The following DENND1A variants were observed in gnomAD, a reference collection of about 807,000 sequenced individuals.
DENND1A encodes the protein DENN domain containing 1A.
Under a neutral mutation model 113.7 loss-of-function variants are expected in DENND1A, and 51 were observed. That is an observed-to-expected ratio of 0.45 (90% CI 0.36 to 0.57). DENND1A has a LOEUF of 0.57. Ranked by LOEUF, DENND1A falls within the 20% of genes least tolerant of loss-of-function variation. DENND1A has a pLI of 0.00. For synonymous variants in DENND1A, 565 were observed against 570.8 expected (o/e 0.99, Z 0.14); for missense variants, 1,258 against 1,395.9 (o/e 0.90, Z 1.57).
intron 13 of DENND1A, among the ~76,000 whole-genome samples, chr9:123,502,495 C>T (rs1039987644): frequency 1.3e-5 from 2 of 152,074 alleles, no homozygotes; most frequent in Admixed American, 1.3e-4. Flanking sequence ...GGAGAAATAT[C>T]GAGTCAGGTC....
chr9:123,517,962 A>C (rs1036460080), intron 13 of DENND1A, among the ~76,000 whole-genome samples: 2 of 152,190 alleles, frequency 1.3e-5, no homozygotes, highest in Admixed American at 6.5e-5. Context: ...TTCTGCATTA[A>C]AAATGTTACT....
chr9:123,768,996 C>G (rs575775714), intron 4 of DENND1A, among the ~76,000 whole-genome samples: 2 of 151,856 alleles, frequency 1.3e-5, no homozygotes, highest in Non-Finnish European at 2.9e-5. Context: ...ATAGAAAATT[C>G]TCTTTTTCCC....
intron 13 of DENND1A, among the ~76,000 whole-genome samples, chr9:123,494,443 A>C (rs758345489): frequency 6.6e-6 from 1 of 152,168 alleles, no homozygotes; most frequent in Non-Finnish European, 1.5e-5. Context: ...AGGCCAAATG[A>C]CTTTTAAGGG....
chr9:123,782,494 T>G (rs1197896436), intron 3 of DENND1A, among the ~76,000 whole-genome samples: 1 of 152,232 alleles, frequency 6.6e-6, no homozygotes, highest in African/African-American at 2.4e-5. Flanking sequence ...TATTAAATAC[T>G]TGGCCTCCTA....
chr9:123,707,204 G>T (rs2066276803), intron 5 of DENND1A, among the ~76,000 whole-genome samples: 1 of 152,182 alleles, frequency 6.6e-6, no homozygotes, highest in Admixed American at 6.5e-5. Context: ...AGACCAGCCT[G>T]ATCAACATCG....
intron 1 of DENND1A, 53 bp downstream of exon 1, chr9:123,929,836 C>T (rs1220041091): frequency 1.8e-5 from 4 of 225,778 alleles, no homozygotes; most frequent in African/African-American, 2.4e-5. Flanking sequence ...AGCCCTGGCC[C>T]GGCCTCGCCG....
chr9:123,863,234 G>A (rs1845312560), intron 2 of DENND1A, among the ~76,000 whole-genome samples: 1 of 152,118 alleles, frequency 6.6e-6, no homozygotes, highest in Non-Finnish European at 1.5e-5. Context: ...GCACTATGAG[G>A]ACCAGAACAC....
intron 19 of DENND1A, among the ~76,000 whole-genome samples, chr9:123,426,827 A>G (rs1466218672): frequency 6.6e-6 from 1 of 152,202 alleles, no homozygotes; most frequent in East Asian, 1.9e-4. Flanking sequence ...GATACTTAAC[A>G]TGAAATCAGT....
At chr9:123,697,308 T>C (rs999396726) in intron 5 of DENND1A, among the ~76,000 whole-genome samples, 1 of 152,240 alleles carries the variant, frequency 6.6e-6, no homozygotes, top group African/African-American at 2.4e-5. Context: ...ACAAAATTAA[T>C]TTAAAAGTAC....
intron 9 of DENND1A, among the ~76,000 whole-genome samples, chr9:123,637,558 T>C (rs2061769260): frequency 6.6e-6 from 1 of 152,182 alleles, no homozygotes; most frequent in Non-Finnish European, 1.5e-5. Flanking sequence ...AACCCTTCCA[T>C]GGCTGTGAGA....
rs1041879160 is a variant in DENND1A, at chr9:123,588,636, G to C, written c.766-5366C>G. The stretch of plus-strand genomic sequence containing the variant: ...ACTCCATCTCAAAAAAAAAAAAAGG[G>C]GGGGGGGGAAGAGAAAAGTTTAAAG... On this transcript the variant is annotated intron_variant, in intron 11 of 23. Coordinates refer to ENST00000394215, the MANE Select transcript of DENND1A (RefSeq NM_001352964.2). Among the ~76,000 whole-genome samples, 221 of 134,126 alleles carry C rather than the reference G, an allele frequency of 1.6e-3. 5 individuals carry two copies. Among genetic ancestry groups the C allele is most frequent in the African/African-American group, 5.5e-3 (207 of 37,474 alleles). The allele number at this position is 134,126 out of a possible 152,430, so 88.0% of individuals were successfully genotyped here. A position where few individuals can be genotyped will look rare whatever the true frequency, so the allele number is the denominator to read the frequency against.
chr9:123,600,402 G>T (rs113833411), intron 11 of DENND1A, among the ~76,000 whole-genome samples: 5 of 152,192 alleles, frequency 3.3e-5, no homozygotes, highest in African/African-American at 1.2e-4. Flanking sequence ...TACCAGTGAG[G>T]AGTCTGGGGC....
Position 123,715,468 on chromosome 9 carries a change from C to T in DENND1A, c.303-38679G>A, listed in dbSNP as rs536535064. Among the ~76,000 whole-genome samples, 4 of 152,288 alleles carry T rather than the reference C, an allele frequency of 2.6e-5. No individual in the cohort carries two copies. In the South Asian group the frequency reaches 8.3e-4, roughly 32 times the overall value. On this transcript the variant is annotated intron_variant, in intron 5 of 23. Coordinates refer to ENST00000394215, the MANE Select transcript of DENND1A (RefSeq NM_001352964.2). ...CTTCCTTTCTTCATTCATTCACCCA[C>T]ATCAATGACTGAACAAAGGAGACAC...
At chr9:123,711,334 G>A (rs1274322408) in intron 5 of DENND1A, among the ~76,000 whole-genome samples, 7 of 151,176 alleles carry the variant, frequency 4.6e-5, no homozygotes, top group Non-Finnish European at 8.8e-5. Context: ...GCGTGGTGGC[G>A]GGTGCCTATA....
At chr9:123,829,450 T>TAACAAC (rs751761014) in intron 2 of DENND1A, among the ~76,000 whole-genome samples, 3 of 150,876 alleles carry the variant, frequency 2.0e-5, no homozygotes, top group Non-Finnish European at 4.4e-5. Context: ...GAAAACACAG[T>TAACAAC]AACAACAACA....
chr9:123,924,855 G>A (rs759611232), intron 1 of DENND1A, among the ~76,000 whole-genome samples: 2 of 152,104 alleles, frequency 1.3e-5, no homozygotes, highest in African/African-American at 2.4e-5. Context: ...GTCCGTTCCT[G>A]AAATATGCCT....
At chr9:123,540,305 A>G (rs1308520528) in intron 13 of DENND1A, among the ~76,000 whole-genome samples, 2 of 152,218 alleles carry the variant, frequency 1.3e-5, no homozygotes, top group Non-Finnish European at 2.9e-5. Flanking sequence ...ACAAAACTGA[A>G]GCTAAGGAGT....
chr9:123,735,114 C>G (rs1315840811), intron 5 of DENND1A, among the ~76,000 whole-genome samples: 1 of 152,096 alleles, frequency 6.6e-6, no homozygotes, highest in Non-Finnish European at 1.5e-5. Flanking sequence ...CCAAGAAAAT[C>G]AAGGAAGATA....
At position 123,607,136 on chromosome 9, in the gene DENND1A, A is replaced by C. The variant is rs188122496; in HGVS notation, c.765+2300T>G. Among the ~76,000 whole-genome samples, 140 of 152,294 alleles carry C rather than the reference A, an allele frequency of 9.2e-4. No individual in the cohort carries two copies. The Middle Eastern group carries it at 0.02, about 22-fold the overall frequency. Reference sequence around the variant, plus strand: ...GTTATCAAGTGACCAGCTGGAGGGCAACCCATGCAATGTTGTGACTATGCA... The same window carrying C: ...GTTATCAAGTGACCAGCTGGAGGGCCACCCATGCAATGTTGTGACTATGCA... On this transcript the variant is annotated intron_variant, in intron 11 of 23. Coordinates refer to ENST00000394215, the MANE Select transcript of DENND1A (RefSeq NM_001352964.2).
Sources: allele counts gnomAD v4.1 joint callset (sites outside exome capture counted in the v4.1 genomes callset), GRCh38; gene constraint gnomAD v4.1.1; transcripts MANE v1.5; gene names NCBI Gene and HGNC (gene_info 2026-07-23, HGNC 2026-07-21).